The following TRAPPC11 variants were observed in gnomAD, a reference collection of about 807,000 sequenced individuals.
TRAPPC11 encodes the protein trafficking protein particle complex subunit 11.
TRAPPC11 carries 104 observed loss-of-function variants against 151.2 expected under a neutral mutation model. The ratio of observed to expected loss-of-function variants is 0.69; its 90% CI spans 0.59 to 0.81. The LOEUF is 0.81. Among genes scored for constraint, TRAPPC11 ranks in the 30% least tolerant of loss-of-function variants. The pLI is 0.00. For synonymous variants in TRAPPC11, 456 were observed against 472.3 expected (o/e 0.97, Z 0.45); for missense variants, 1,230 against 1,349.6 (o/e 0.91, Z 1.39).
rs1244551968 is a variant in TRAPPC11 at position 183,704,922 on chromosome 4, T to C, written c.2964-57T>C. 6.9e-6 allele frequency: 8 copies of C among 1,160,334 alleles called. No individual in the cohort carries two copies. In the Admixed American group the frequency reaches 1.4e-4, roughly 20 times the overall value. The allele number at this position is 1,160,334 out of a possible 1,614,324, so 71.9% of individuals were successfully genotyped here. A position where few individuals can be genotyped will look rare whatever the true frequency, so the allele number is the denominator to read the frequency against. On this transcript the variant is annotated intron_variant, in intron 26 of 29. Transcript: ENST00000334690. ...GTTTCCTGTTTTTGATGAACTTCTTTCATAGTTTAAAAAGATGTTTAAAAA... is the reference window on the plus strand; with the variant it reads ...GTTTCCTGTTTTTGATGAACTTCTTCCATAGTTTAAAAAGATGTTTAAAAA...
Position 183,694,017 on chromosome 4 carries a change from A to T in TRAPPC11, c.2487A>T (p.Gly829=), listed in dbSNP as rs1736400039. The change falls in exon 22 of 30, where the codon GGA becomes GGT. Residue 829 remains glycine (G), a synonymous_variant. Coordinates refer to ENST00000334690, the MANE Select transcript of TRAPPC11 (RefSeq NM_021942.6). ...CTTTACTCACTGACATTCCTGTTGG[A>T]GACTTACATCCAGGGGAACAGGTAA... is the stretch of plus-strand genomic sequence containing the variant. The part of the protein sequence containing the change: ...YPALLTDIPV[G]DLHPGEQLEK... The T allele has an allele frequency of 6.2e-7, 1 of 1,613,980 alleles. No individual in the cohort carries two copies. The highest frequency in any genetic ancestry group is 2.2e-5 in the East Asian group (1 of 44,866).
rs375922162 is a variant in TRAPPC11 at position 183,678,649 on chromosome 4, A to G, written c.832-704A>G. On this transcript the variant is annotated intron_variant, in intron 8 of 29. Coordinates refer to ENST00000334690, the MANE Select transcript of TRAPPC11 (RefSeq NM_021942.6). ...AATAGTTTTCTAGAAAGGCATACAC[A>G]TACTTATCTGTGTGTAGAATATATC... Among the ~76,000 whole-genome samples, 16 of 152,346 alleles carry G rather than the reference A, an allele frequency of 1.1e-4. 1 individual carries two copies. In the East Asian group the frequency reaches 2.1e-3, roughly 20 times the overall value.
In TRAPPC11 at chr4:183,674,850, C is replaced by T. The variant is rs150527768; in HGVS notation, c.660+38C>T. The T allele has an allele frequency of 1.2e-3, 1,409 of 1,213,680 alleles. 3 individuals carry two copies. Among genetic ancestry groups the T allele is most frequent in the Admixed American group, 2.3e-3 (109 of 46,864 alleles). 75.2% of individuals were successfully genotyped at this position (1,213,680 alleles called of 1,614,324 possible). On this transcript the variant is annotated intron_variant, in intron 6 of 29. Coordinates refer to ENST00000334690, the MANE Select transcript of TRAPPC11 (RefSeq NM_021942.6). The stretch of plus-strand genomic sequence containing the variant: ...TTGCAATAATAGAAGCATTCTGGAG[C>T]GGATTATTATTATTTTTGAGGTGAT...
chr4:183,666,510 G>A (rs987326034), intron 3 of TRAPPC11, 84 bp downstream of exon 3: 44 of 1,341,938 alleles, frequency 3.3e-5, no homozygotes, highest in Middle Eastern at 1.9e-4. Flanking sequence ...ATGGAGTACC[G>A]TTCAGACTGC....
At chr4:183,667,758 G>A (rs1355429076) in intron 4 of TRAPPC11, among the ~76,000 whole-genome samples, 2 of 152,082 alleles carry the variant, frequency 1.3e-5, no homozygotes, top group Non-Finnish European at 2.9e-5. Context: ...ATATCTGTTG[G>A]CATTACTTGG....
chr4:183,688,734 C>CGT (rs143398172), intron 18 of TRAPPC11, among the ~76,000 whole-genome samples: 6,528 of 150,654 alleles, frequency 0.043, 197 homozygotes, highest in Non-Finnish European at 0.063. Flanking sequence ...AGTGTGTGTG[C>CGT]GTGTGTGTGT....
Position 183,684,303 on chromosome 4 carries a change from A to G in TRAPPC11, c.1367-2A>G. On this transcript the variant is annotated splice_acceptor_variant, in intron 13 of 29. Coordinates refer to ENST00000334690, the MANE Select transcript of TRAPPC11 (RefSeq NM_021942.6). LOFTEE classifies it high-confidence loss of function. ...ATACATAAATCTTTTTTTCCTTTAT[A>G]GTGGTTCAGATGGGAGAGGAATATT... 1 of 1,613,588 alleles carries G rather than the reference A, an allele frequency of 6.2e-7. No homozygotes were observed. The highest frequency in any genetic ancestry group is 8.5e-7 in the Non-Finnish European group (1 of 1,179,578).
At chr4:183,702,575 T>C (rs1028093411) in intron 26 of TRAPPC11, among the ~76,000 whole-genome samples, 2 of 152,186 alleles carry the variant, frequency 1.3e-5, no homozygotes, top group African/African-American at 4.8e-5. Flanking sequence ...TATATGCCAT[T>C]GAAAAACATG....
intron 26 of TRAPPC11, among the ~76,000 whole-genome samples, chr4:183,704,518 C>CAAAAA (rs140497615): frequency 8.1e-5 from 7 of 86,430 alleles, no homozygotes; most frequent in Admixed American, 1.4e-4. Flanking sequence ...GAGACTGTCT[C>CAAAAA]AAAAAAAAAA....
intron 6 of TRAPPC11, 34 bp downstream of exon 6, chr4:183,674,846 G>A: frequency 8.0e-7 from 1 of 1,249,872 alleles, no homozygotes; most frequent in Non-Finnish European, 1.1e-6. Context: ...GAAGCATTCT[G>A]GAGCGGATTA....
chr4:183,670,931 A>T (rs7697110), intron 5 of TRAPPC11, among the ~76,000 whole-genome samples: 1 of 151,942 alleles, frequency 6.6e-6, no homozygotes, highest in Non-Finnish European at 1.5e-5. Flanking sequence ...GATTACAGGC[A>T]ATCTTGGCCA....
At chr4:183,685,181 G>A (rs2111367350) in intron 16 of TRAPPC11, 36 bp downstream of exon 16, 1 of 1,611,104 alleles carries the variant, frequency 6.2e-7, no homozygotes, top group East Asian at 2.2e-5. Context: ...TGTGTTATTA[G>A]GAATATGTGT....
rs548641086 is a variant in TRAPPC11 at position 183,696,956 on chromosome 4, T to G, written c.2629-547T>G. 1.3e-4 allele frequency among the ~76,000 whole-genome samples: 20 copies of G among 152,292 alleles called. No homozygotes were observed. In the South Asian group the frequency reaches 3.7e-3, roughly 28 times the overall value. Reference sequence around the variant, plus strand: ...GAAGACCCTAGCTTTGTGGAACGTCTGATTCCTCCTCTGCAAAATGGTGAT... The same window carrying G: ...GAAGACCCTAGCTTTGTGGAACGTCGGATTCCTCCTCTGCAAAATGGTGAT... On this transcript the variant is annotated intron_variant, in intron 23 of 29. Coordinates refer to ENST00000334690, the MANE Select transcript of TRAPPC11 (RefSeq NM_021942.6).
At chr4:183,700,746 T>C (rs1335799476) in intron 25 of TRAPPC11, 2 of 152,348 alleles carry the variant, frequency 1.3e-5, no homozygotes, top group Non-Finnish European at 2.9e-5. Context: ...TTTCGGGTTT[T>C]TCAGATTTTG....
intron 10 of TRAPPC11, 122 bp from the exon 11 acceptor site, chr4:183,682,610 A>G: frequency 6.8e-6 from 3 of 444,412 alleles, no homozygotes; most frequent in Admixed American, 8.5e-5. Flanking sequence ...CAAATTTGAT[A>G]ATTGAATATA....
intron 19 of TRAPPC11, among the ~76,000 whole-genome samples, 175 bp downstream of exon 19, chr4:183,691,646 A>G (rs1043102953): frequency 2.0e-5 from 3 of 152,140 alleles, no homozygotes; most frequent in African/African-American, 7.2e-5. Context: ...TTCTGTGAAC[A>G]TACTTGTAGT....
chr4:183,667,926 G>T (rs575776974), intron 4 of TRAPPC11, 77 bp from the exon 5 acceptor site: 2 of 1,028,204 alleles, frequency 1.9e-6, no homozygotes, highest in Non-Finnish European at 1.5e-6. Context: ...TATTTTTTCA[G>T]ACTTGGGGAA....
rs1333094627 is a variant in TRAPPC11 at position 183,709,957 on chromosome 4, G to GAACA, written c.3357+1384_3357+1387dup. Among the ~76,000 whole-genome samples, 4 of 152,274 alleles carry GAACA rather than the reference G, an allele frequency of 2.6e-5. No homozygotes were observed. In the South Asian group the frequency reaches 8.3e-4, roughly 32 times the overall value. On this transcript the variant is annotated intron_variant, in intron 29 of 29. Coordinates refer to ENST00000334690, the MANE Select transcript of TRAPPC11 (RefSeq NM_021942.6). ...CATGACTGGGTGGGGGAACAGAGGG[G>GAACA]AACAGGTGGCCTCCATAATGTCCCT...
rs559605776 is a variant in TRAPPC11 at position 183,691,418 on chromosome 4, A to C, written c.1996A>C (p.Lys666Gln). 1 of 1,541,716 alleles carries C rather than the reference A, an allele frequency of 6.5e-7. No individual in the cohort carries two copies. ...GTGCCTAGTTCCTGGCAAAACAAGA[A>C]AACTGTTATTTAAGTTTGTTGCAAA... ...KMCLVPGKTRKLLFKFVAKTE... is the reference protein window; with the variant it reads ...KMCLVPGKTRQLLFKFVAKTE... Residue 666 changes from lysine (K) to glutamine (Q), a missense_variant, in exon 19 of 30, where the codon AAA (lysine) becomes CAA (glutamine). Physicochemically the swap from Lys to Gln is moderately conservative, Grantham distance 53. Transcript: ENST00000334690.
Sources: gnomAD v4.1 joint callset for allele counts (sites outside exome capture counted in the v4.1 genomes callset) on GRCh38, gnomAD v4.1.1 for gene constraint, MANE v1.5 for transcripts, NCBI Gene and HGNC (gene_info 2026-07-23, HGNC 2026-07-21) for gene names.